Variants in ATP2B2 observed in about 807,000 individuals in gnomAD.
The protein encoded by ATP2B2 is ATPase plasma membrane Ca2+ transporting 2.
In ATP2B2, 15 loss-of-function variants were observed where a neutral mutation model predicts 120.0. The ratio of observed to expected loss-of-function variants is 0.12; its 90% CI spans 0.08 to 0.19. ATP2B2 has a LOEUF of 0.19. Ranked by LOEUF, ATP2B2 falls within the 10% of genes least tolerant of loss-of-function variation. The pLI is 1.00. For synonymous variants in ATP2B2, 694 were observed against 700.3 expected (o/e 0.99, Z 0.14); for missense variants, 1,045 against 1,719.8 (o/e 0.61, Z 6.94).
intron 1 of ATP2B2, among the ~76,000 whole-genome samples, chr3:10,682,040 T>C (rs2071396135): frequency 1.3e-5 from 2 of 152,146 alleles, no homozygotes; most frequent in Non-Finnish European, 2.9e-5. Flanking sequence ...AGCTGGGTCA[T>C]GAGGGATGAG....
At chr3:10,543,694 G>C (rs2067484680) in intron 2 of ATP2B2, among the ~76,000 whole-genome samples, 1 of 151,310 alleles carries the variant, frequency 6.6e-6, no homozygotes, top group Non-Finnish European at 1.5e-5. Flanking sequence ...TGTAAATTTG[G>C]AGAGATATAA....
intron 12 of ATP2B2, among the ~76,000 whole-genome samples, chr3:10,370,607 C>T (rs78172267): frequency 0.013 from 2,001 of 152,282 alleles, 38 homozygotes; most frequent in African/African-American, 0.042. Context: ...GTGCAGGAGC[C>T]GCCTCCTCCT....
At chr3:10,518,713 C>T (rs1269637352) in intron 3 of ATP2B2, among the ~76,000 whole-genome samples, 1 of 152,282 alleles carries the variant, frequency 6.6e-6, no homozygotes, top group South Asian at 2.1e-4. Context: ...CCCAACTCCA[C>T]TCATGCCTCT....
chr3:10,608,969 C>T (rs1298984663), intron 2 of ATP2B2, among the ~76,000 whole-genome samples: 1 of 152,168 alleles, frequency 6.6e-6, no homozygotes, highest in Non-Finnish European at 1.5e-5. Context: ...CCTATAACCC[C>T]CTTGCCTTGA....
chr3:10,441,792 A>G (rs2063675645), intron 2 of ATP2B2, among the ~76,000 whole-genome samples: 1 of 152,220 alleles, frequency 6.6e-6, no homozygotes, highest in African/African-American at 2.4e-5. Context: ...TTGGCATATT[A>G]GAAGCAGGGG....
chr3:10,441,180 GC>G (rs2063651824), intron 2 of ATP2B2, among the ~76,000 whole-genome samples: 1 of 152,092 alleles, frequency 6.6e-6, no homozygotes, highest in Non-Finnish European at 1.5e-5. Flanking sequence ...CTACACTGAG[GC>G]CTTGGCTTCC....
chr3:10,326,546 T>C lies in ATP2B2; in HGVS notation c.*2268A>G, dbSNP rs553006056. 42 of 396,974 alleles carry C rather than the reference T, an allele frequency of 1.1e-4. No homozygotes were observed. Among genetic ancestry groups the C allele is most frequent in the African/African-American group, 7.8e-4 (38 of 48,726 alleles). The allele number at this position is 396,974 out of a possible 1,614,324, so 24.6% of individuals were successfully genotyped here. A position where few individuals can be genotyped will look rare whatever the true frequency, so the allele number is the denominator to read the frequency against. On this transcript the variant is annotated 3_prime_UTR_variant, in exon 23 of 23. Transcript: ENST00000360273. ...AGAAAGGAAACTCCAAAAAACACCA[T>C]GTTCCAAGGCTGCCCCATGTTTTAC...
intron 2 of ATP2B2, among the ~76,000 whole-genome samples, chr3:10,589,763 TA>T (rs1398914678): frequency 6.6e-6 from 1 of 152,188 alleles, no homozygotes; most frequent in Non-Finnish European, 1.5e-5. Context: ...TGAGAACGAA[TA>T]AACACTGCCA....
rs543739808 is a variant in ATP2B2 at position 10,366,762 on chromosome 3, A to G, written c.1659+5047T>C. Among the ~76,000 whole-genome samples, 346 of 152,280 alleles carry G rather than the reference A, an allele frequency of 2.3e-3. 5 individuals carry two copies. Among genetic ancestry groups the G allele is most frequent in the African/African-American group, 7.7e-3 (319 of 41,562 alleles). ...ATCTGAAAGCTCAGCTGTGGCTCGG[A>G]GGAGCAGCAGGACAGCCAGAGCTGC... On this transcript the variant is annotated intron_variant, in intron 12 of 22. Transcript: ENST00000360273.
chr3:10,545,251 C>T (rs963448098), intron 2 of ATP2B2, among the ~76,000 whole-genome samples: 2 of 152,162 alleles, frequency 1.3e-5, no homozygotes, highest in Non-Finnish European at 1.5e-5. Context: ...ATTTTTAGGC[C>T]GGGTGCAGTG....
At position 10,617,040 on chromosome 3, in the gene ATP2B2, T is replaced by C. The variant is rs2069408644; in HGVS notation, c.-415+2877A>G. On this transcript the variant is annotated intron_variant, in intron 2 of 21. Transcript: ENST00000646379. ...AAACAGTTTCGATGGCTGCCCAGAATCTTCCTTCTGTGATCTATATTGCCA... is the reference window on the plus strand; with the variant it reads ...AAACAGTTTCGATGGCTGCCCAGAACCTTCCTTCTGTGATCTATATTGCCA... 3.3e-5 allele frequency among the ~76,000 whole-genome samples: 5 copies of C among 152,252 alleles called. 1 individual carries two copies. Among genetic ancestry groups the C allele is most frequent in the Admixed American group, 3.3e-4 (5 of 15,282 alleles).
intron 1 of ATP2B2, among the ~76,000 whole-genome samples, chr3:10,461,179 T>C (rs1416268216): frequency 6.6e-6 from 1 of 152,222 alleles, no homozygotes; most frequent in East Asian, 1.9e-4. Flanking sequence ...CGTATGTGCA[T>C]GGGTGGAAGT....
At chr3:10,575,689 A>C (rs896643202) in intron 2 of ATP2B2, among the ~76,000 whole-genome samples, 2 of 152,160 alleles carry the variant, frequency 1.3e-5, no homozygotes, top group African/African-American at 4.8e-5. Context: ...GCATAAAAAC[A>C]CCAATACCTG....
At chr3:10,413,875 G>A (rs1487761616) in intron 2 of ATP2B2, among the ~76,000 whole-genome samples, 1 of 152,228 alleles carries the variant, frequency 6.6e-6, no homozygotes, top group Non-Finnish European at 1.5e-5. Context: ...TTTTGACAAG[G>A]GAGAAGGGAG....
intron 2 of ATP2B2, among the ~76,000 whole-genome samples, chr3:10,428,068 GCCAT>G (rs1459564602): frequency 6.6e-6 from 1 of 152,202 alleles, no homozygotes; most frequent in African/African-American, 2.4e-5. Flanking sequence ...TCCTAGACCT[GCCAT>G]CCATCCATTT....
At chr3:10,526,765 G>C (rs925629232) in intron 3 of ATP2B2, among the ~76,000 whole-genome samples, 1 of 152,122 alleles carries the variant, frequency 6.6e-6, no homozygotes, top group Non-Finnish European at 1.5e-5. Flanking sequence ...GTCCTGCCTT[G>C]CCCTCTGACT....
intron 1 of ATP2B2, among the ~76,000 whole-genome samples, chr3:10,679,220 T>C (rs949626088): frequency 6.6e-6 from 1 of 152,152 alleles, no homozygotes; most frequent in Non-Finnish European, 1.5e-5. Context: ...CTATGGTGTA[T>C]GGAAACTGTG....
At chr3:10,644,012 T>C (rs183387594) in intron 1 of ATP2B2, among the ~76,000 whole-genome samples, 1 of 152,148 alleles carries the variant, frequency 6.6e-6, no homozygotes, top group Non-Finnish European at 1.5e-5. Context: ...AGAACAGGCT[T>C]GCAGATCATT....
Position 10,695,997 on chromosome 3 carries a change from C to T in ATP2B2, c.-460+11918G>A, listed in dbSNP as rs542014662. On this transcript the variant is annotated intron_variant, in intron 1 of 21. Coordinates refer to the ATP2B2 transcript ENST00000646379. ...AAGTTCCCCACCTCAATCCCAGCCC[C>T]CAGCCACCCACTCTGAGTAAGGAAC... is the stretch of plus-strand genomic sequence containing the variant. Among the ~76,000 whole-genome samples, 58 of 152,294 alleles carry T rather than the reference C, an allele frequency of 3.8e-4. 2 individuals carry two copies. The South Asian group carries it at 0.012, about 31-fold the overall frequency.
Sources: allele counts gnomAD v4.1 joint callset (sites outside exome capture counted in the v4.1 genomes callset), GRCh38; gene constraint gnomAD v4.1.1; transcripts MANE v1.5; gene names NCBI Gene and HGNC (gene_info 2026-07-23, HGNC 2026-07-21).